EXOC4: variants seen among roughly 807,000 people sequenced by gnomAD.
The protein encoded by EXOC4 is exocyst complex component 4, also known as SEC8-like 1.
EXOC4 carries 71 observed loss-of-function variants against 107.2 expected under a neutral mutation model. The ratio of observed to expected loss-of-function variants is 0.66; its 90% CI spans 0.55 to 0.81. The LOEUF (loss-of-function observed/expected upper bound fraction) is 0.81. EXOC4 is among the 30% of genes least tolerant of loss of function. The pLI, the probability that EXOC4 is intolerant of heterozygous loss-of-function variation, is 0.00. For synonymous variants in EXOC4, 456 were observed against 441.2 expected (o/e 1.03, Z -0.42); for missense variants, 1,108 against 1,189.6 (o/e 0.93, Z 1.01).
intron 7 of EXOC4, among the ~76,000 whole-genome samples, chr7:133,450,218 G>A (rs1206657648): frequency 6.6e-6 from 1 of 152,040 alleles, no homozygotes; most frequent in Admixed American, 6.6e-5. Flanking sequence ...TGTTGCCCAG[G>A]CTGGAGCACA....
chr7:134,004,860 C>T, intron 15 of EXOC4, 52 bp from the exon 16 acceptor site: 2 of 1,486,556 alleles, frequency 1.3e-6, no homozygotes, highest in South Asian at 1.2e-5. Flanking sequence ...GATCATTGCC[C>T]TCCCTGGAAG....
intron 9 of EXOC4, among the ~76,000 whole-genome samples, chr7:133,494,062 A>T (rs1195174450): frequency 6.6e-6 from 1 of 152,214 alleles, no homozygotes; most frequent in Non-Finnish European, 1.5e-5. Flanking sequence ...TTTTATGTAC[A>T]TTATTGTTTT....
the EXOC4 span, among the ~76,000 whole-genome samples, chr7:134,072,261 C>A: frequency 2.0e-5 from 3 of 152,070 alleles, no homozygotes; most frequent in African/African-American, 7.3e-5. Flanking sequence ...TTGTCTGGAA[C>A]CCCTGTAACA....
chr7:133,885,565 T>C (rs947145677), intron 11 of EXOC4, among the ~76,000 whole-genome samples: 1 of 152,198 alleles, frequency 6.6e-6, no homozygotes, highest in Non-Finnish European at 1.5e-5. Flanking sequence ...GTGGAAGAGA[T>C]AGCCAATTGA....
chr7:134,031,232 T>G (rs1250181649), intron 17 of EXOC4, among the ~76,000 whole-genome samples: 2 of 152,240 alleles, frequency 1.3e-5, no homozygotes, highest in African/African-American at 4.8e-5. Flanking sequence ...TAAAAGCCAT[T>G]GAATTTTACA....
At chr7:133,626,233 G>C (rs28687548) in intron 9 of EXOC4, among the ~76,000 whole-genome samples, 1 of 151,922 alleles carries the variant, frequency 6.6e-6, no homozygotes, top group African/African-American at 2.4e-5. Context: ...CTGACAGTAG[G>C]TCCCAGGTTA....
At chr7:134,019,987 G>A (rs1794992575) in intron 17 of EXOC4, among the ~76,000 whole-genome samples, 1 of 152,074 alleles carries the variant, frequency 6.6e-6, no homozygotes, top group Admixed American at 6.5e-5. Context: ...CATGCTGCTT[G>A]TGGGTCTTCT....
intron 9 of EXOC4, among the ~76,000 whole-genome samples, chr7:133,624,017 A>C (rs2151008940): frequency 6.6e-6 from 1 of 152,332 alleles, no homozygotes; most frequent in East Asian, 1.9e-4. Context: ...CCATTTATTG[A>C]TGCAGTCAGG....
the EXOC4 span, among the ~76,000 whole-genome samples, chr7:134,078,012 T>C: frequency 3.3e-5 from 5 of 152,206 alleles, no homozygotes; most frequent in African/African-American, 7.2e-5. Context: ...TATCAAGACT[T>C]TTCCTGGATC....
At chr7:133,477,164 A>C (rs1214596116) in intron 8 of EXOC4, among the ~76,000 whole-genome samples, 5 of 152,176 alleles carry the variant, frequency 3.3e-5, no homozygotes, top group African/African-American at 1.2e-4. Flanking sequence ...TTGAGATGTC[A>C]TTATTAACTA....
At chr7:133,758,498 T>C (rs1453518395) in intron 10 of EXOC4, among the ~76,000 whole-genome samples, 1 of 152,170 alleles carries the variant, frequency 6.6e-6, no homozygotes, top group Admixed American at 6.5e-5. Flanking sequence ...TCCCAGGCCC[T>C]AGGGACAGAA....
intron 9 of EXOC4, among the ~76,000 whole-genome samples, chr7:133,586,000 A>G (rs974001658): frequency 6.6e-6 from 1 of 152,158 alleles, no homozygotes; most frequent in African/African-American, 2.4e-5. Context: ...TGGTCTAGAA[A>G]TATATACAGT....
At chr7:133,618,868 T>G (rs1181791014) in intron 9 of EXOC4, among the ~76,000 whole-genome samples, 1 of 152,172 alleles carries the variant, frequency 6.6e-6, no homozygotes, top group Non-Finnish European at 1.5e-5. Flanking sequence ...ACAAGTAATA[T>G]TATATATCAT....
chr7:133,753,743 T>C (rs969050291), intron 10 of EXOC4, among the ~76,000 whole-genome samples: 1 of 152,192 alleles, frequency 6.6e-6, no homozygotes, highest in African/African-American at 2.4e-5. Context: ...GTACCTAGCA[T>C]GCTGAGTGTA....
At chr7:133,520,549 T>C (rs1268454978) in intron 9 of EXOC4, among the ~76,000 whole-genome samples, 1 of 152,168 alleles carries the variant, frequency 6.6e-6, no homozygotes, top group Non-Finnish European at 1.5e-5. Context: ...ATTAACTTTC[T>C]TGGTGGAAAA....
intron 9 of EXOC4, among the ~76,000 whole-genome samples, chr7:133,538,480 G>A (rs1800315892): frequency 6.6e-6 from 1 of 151,946 alleles, no homozygotes; most frequent in Non-Finnish European, 1.5e-5. Context: ...ATGCTCTCAA[G>A]GAATTTTAAA....
chr7:133,815,404 ACT>A (rs1393320358), intron 10 of EXOC4, among the ~76,000 whole-genome samples: 3 of 151,528 alleles, frequency 2.0e-5, no homozygotes, highest in Admixed American at 6.6e-5. Context: ...AAAACAAAAA[ACT>A]CTATTCCTGG....
At chr7:133,581,391 G>T (rs755988051) in intron 9 of EXOC4, among the ~76,000 whole-genome samples, 50 of 152,330 alleles carry the variant, frequency 3.3e-4, no homozygotes, top group Middle Eastern at 6.8e-3. Context: ...TCATCATTCA[G>T]ATGATAAGCA....
At chr7:133,609,431 T>G (rs1254233902) in intron 9 of EXOC4, among the ~76,000 whole-genome samples, 2 of 152,242 alleles carry the variant, frequency 1.3e-5, no homozygotes, top group African/African-American at 4.8e-5. Context: ...AAAATAATTT[T>G]CTGATATTAC....
Sources: gnomAD v4.1 joint callset for allele counts (sites outside exome capture counted in the v4.1 genomes callset) on GRCh38, gnomAD v4.1.1 for gene constraint, MANE v1.5 for transcripts, NCBI Gene and HGNC (gene_info 2026-07-23, HGNC 2026-07-21) for gene names.